AGFG2: variants seen among roughly 807,000 people sequenced by gnomAD.
The protein encoded by AGFG2 is arf-GAP domain and FG repeat-containing protein 2.
In AGFG2, 31 loss-of-function variants were observed where a neutral mutation model predicts 48.0. The observed-to-expected ratio is 0.65, with a 90% CI of 0.49 to 0.87. The LOEUF (loss-of-function observed/expected upper bound fraction) is 0.87, where lower values mean the gene tolerates loss of function less well. Ranked by LOEUF, AGFG2 falls within the 40% of genes least tolerant of loss-of-function variation. The pLI is 0.00. For synonymous variants in AGFG2, 229 were observed against 260.8 expected, an observed-to-expected ratio of 0.88 and a Z score of 1.18; for missense variants, 599 against 632.6, an observed-to-expected ratio of 0.95 and a Z score of 0.57.
At chr7:100,548,725 A>G (rs760027777) in intron 1 of AGFG2, 97 bp from the exon 2 acceptor site, 7 of 859,874 alleles carry the variant, frequency 8.1e-6, no homozygotes, top group Admixed American at 1.9e-5. Flanking sequence ...TTTATATGCT[A>G]TTCTTTCACC....
chr7:100,539,537 G>T lies in AGFG2; in HGVS notation c.191G>T (p.Ser64Ile). ...GVTYVDITVG[S>I]FVCTTCSGLL... ...ACCTACGTGGATATCACCGTGGGCA[G>T]CTTCGTGTGCACCACCTGCTCCGGC... The change falls in exon 1 of 12, where the codon AGC becomes ATC. Residue 64 changes from serine (S) to isoleucine (I), a missense_variant. By Grantham distance (142) the Ser-to-Ile change is moderately radical (BLOSUM62 -2). Coordinates refer to ENST00000300176, the MANE Select transcript of AGFG2 (RefSeq NM_006076.5). The T allele has an allele frequency of 1.6e-6, 2 of 1,271,132 alleles. No homozygotes were observed. The allele number at this position is 1,271,132 out of a possible 1,614,324, so 78.7% of individuals were successfully genotyped here. A position where few individuals can be genotyped will look rare whatever the true frequency, so the allele number is the denominator to read the frequency against.
chr7:100,548,998 G>T, intron 2 of AGFG2, 83 bp downstream of exon 2: 1 of 1,169,740 alleles, frequency 8.5e-7, no homozygotes, highest in Non-Finnish European at 1.3e-6. Context: ...AAACCTTACG[G>T]TTTTATTTTT....
At chr7:100,563,033 C>A in intron 9 of AGFG2, 87 bp downstream of exon 9, 1 of 1,316,260 alleles carries the variant, frequency 7.6e-7, no homozygotes, top group South Asian at 1.3e-5. Context: ...AACCCTTTGT[C>A]TCACGCTGTC....
chr7:100,542,944 AG>A (rs1178959435), intron 1 of AGFG2, among the ~76,000 whole-genome samples: 7 of 152,212 alleles, frequency 4.6e-5, no homozygotes, highest in Admixed American at 2.0e-4. Context: ...CTGACATCCT[AG>A]TGGAAGCCAT....
chr7:100,556,729 C>A, intron 6 of AGFG2: 1 of 973,080 alleles, frequency 1.0e-6, no homozygotes, highest in Non-Finnish European at 1.4e-6. Context: ...ACAGATAAGG[C>A]AGTTAAGCAA....
intron 3 of AGFG2, among the ~76,000 whole-genome samples, chr7:100,551,058 ATATATATATTTCT>A (rs1417598360): frequency 3.9e-5 from 3 of 77,680 alleles, no homozygotes; most frequent in Middle Eastern, 7.8e-3. Flanking sequence ...ATATATATAT[ATATATATATTTCT>A]TTTTTTTTTT....
chr7:100,559,204 G>A (rs1800816832), intron 6 of AGFG2, among the ~76,000 whole-genome samples: 1 of 152,152 alleles, frequency 6.6e-6, no homozygotes, highest in African/African-American at 2.4e-5. Flanking sequence ...CCATTGTTGG[G>A]TGCCTTCATG....
chr7:100,552,194 G>A (rs140714540), intron 3 of AGFG2, among the ~76,000 whole-genome samples: 1 of 152,140 alleles, frequency 6.6e-6, no homozygotes, highest in Admixed American at 6.5e-5. Flanking sequence ...GCAGTCAGCT[G>A]AGATCGTGCC....
chr7:100,565,124 C>A lies in AGFG2; in HGVS notation c.*133C>A. The A allele has an allele frequency of 9.5e-7, 1 of 1,055,504 alleles. No homozygotes were observed. The highest frequency in any genetic ancestry group is 1.3e-5 in the South Asian group (1 of 74,954). 65.4% of individuals were successfully genotyped at this position (1,055,504 alleles called of 1,614,324 possible). A position where few individuals can be genotyped will look rare whatever the true frequency, so the allele number is the denominator to read the frequency against. On this transcript the variant is annotated 3_prime_UTR_variant, in exon 12 of 12. Transcript: ENST00000300176. ...GAGGTGCTAATGCTTTGCTTGGGGC[C>A]TACAGGTGAAAGGTGGCTGCCCTCA... is the stretch of plus-strand genomic sequence containing the variant.
At chr7:100,564,178 G>T in intron 10 of AGFG2, 40 bp from the exon 11 acceptor site, 1 of 1,591,164 alleles carries the variant, frequency 6.3e-7, no homozygotes, top group East Asian at 2.3e-5. Flanking sequence ...CTGCAGGAAG[G>T]CAGGCTGGTG....
chr7:100,563,521 A>G (rs1319940535), intron 9 of AGFG2, among the ~76,000 whole-genome samples: 2 of 152,176 alleles, frequency 1.3e-5, no homozygotes, highest in Non-Finnish European at 2.9e-5. Context: ...TCCCCATTTT[A>G]GAGATGAGAA....
At position 100,567,239 on chromosome 7, in the gene AGFG2, CA is replaced by C. The variant is rs939838156; in HGVS notation, c.*2249del. The C allele has an allele frequency of 7.2e-5, 11 of 152,620 alleles. No individual in the cohort carries two copies. Among genetic ancestry groups the C allele is most frequent in the Non-Finnish European group, 5.9e-5 (4 of 68,078 alleles). The allele number at this position is 152,620 out of a possible 1,614,324, so 9.5% of individuals were successfully genotyped here. A position where few individuals can be genotyped will look rare whatever the true frequency, so the allele number is the denominator to read the frequency against. On this transcript the variant is annotated 3_prime_UTR_variant, in exon 12 of 12. Transcript: ENST00000300176. ...TCTCCTTGGCCGGGGACAGCTCCAG[CA>C]GCTCAGGCTCCAGCCCTCCAGTGAG...
Position 100,565,259 on chromosome 7 carries a change from G to C in AGFG2, c.*268G>C, listed in dbSNP as rs963256947. 7.3e-6 allele frequency: 4 copies of C among 550,988 alleles called. No individual in the cohort carries two copies. The African/African-American group carries it at 7.6e-5, about 10-fold the overall frequency. 34.1% of individuals were successfully genotyped at this position (550,988 alleles called of 1,614,324 possible). ...GGAGGAGTGATGGTTGAGGGGGAGG[G>C]ATTTTTTTCAAATGATCAGTCCCCT... is the stretch of plus-strand genomic sequence containing the variant. On this transcript the variant is annotated 3_prime_UTR_variant, in exon 12 of 12. Coordinates refer to ENST00000300176, the MANE Select transcript of AGFG2 (RefSeq NM_006076.5).
At position 100,565,313 on chromosome 7, in the gene AGFG2, C is replaced by A. The variant is rs116419335; in HGVS notation, c.*322C>A. On this transcript the variant is annotated 3_prime_UTR_variant, in exon 12 of 12. Transcript: ENST00000300176. ...GAACAGCTCTTCCCTGGGCCTAGCT[C>A]GCCAGCGCTGTGCTCCTCATGGACG... The A allele has an allele frequency of 1.4e-4, 59 of 408,966 alleles. No homozygotes were observed. Among genetic ancestry groups the A allele is most frequent in the African/African-American group, 1.1e-3 (52 of 49,290 alleles). The allele number at this position is 408,966 out of a possible 1,614,324, so 25.3% of individuals were successfully genotyped here.
Position 100,539,292 on chromosome 7 carries a change from A to G in AGFG2, c.-55A>G. The G allele has an allele frequency of 7.9e-7, 1 of 1,264,826 alleles. No individual in the cohort carries two copies. The allele number at this position is 1,264,826 out of a possible 1,614,324, so 78.4% of individuals were successfully genotyped here. On this transcript the variant is annotated 5_prime_UTR_variant, in exon 1 of 12. Transcript: ENST00000300176. ...TGCGGAGGCGGCTGAGGAGGCGGGAAGGCGGCAGTGGTTGAAGGGGTGATT... is the reference window on the plus strand; with the variant it reads ...TGCGGAGGCGGCTGAGGAGGCGGGAGGGCGGCAGTGGTTGAAGGGGTGATT...
At chr7:100,559,750 C>T (rs182346715) in intron 6 of AGFG2, among the ~76,000 whole-genome samples, 31 of 149,520 alleles carry the variant, frequency 2.1e-4, no homozygotes, top group African/African-American at 7.4e-4. Flanking sequence ...CCCTGAAGGT[C>T]GAGGCTGCAG....
At position 100,555,879 on chromosome 7, in the gene AGFG2, G is replaced by A. The variant is rs944696325; in HGVS notation, c.877+144G>A. 2.5e-6 allele frequency: 3 copies of A among 1,192,654 alleles called. No individual in the cohort carries two copies. In the South Asian group the frequency reaches 4.9e-5, roughly 19 times the overall value. The allele number at this position is 1,192,654 out of a possible 1,614,324, so 73.9% of individuals were successfully genotyped here. On this transcript the variant is annotated intron_variant, in intron 6 of 11. Coordinates refer to ENST00000300176, the MANE Select transcript of AGFG2 (RefSeq NM_006076.5). ...GAGAAGCAGCTCCAGGAGAGGATGA[G>A]CGTGTCTGACACATTCTTGTCAGGG...
At chr7:100,539,892 A>C (rs1247276947) in intron 1 of AGFG2, among the ~76,000 whole-genome samples, 3 of 152,044 alleles carry the variant, frequency 2.0e-5, no homozygotes, top group Non-Finnish European at 4.4e-5. Flanking sequence ...GGAGGATGGA[A>C]GGGAACTCGG....
intron 2 of AGFG2, among the ~76,000 whole-genome samples, chr7:100,549,694 T>G (rs945825315): frequency 2.6e-5 from 4 of 151,974 alleles, no homozygotes; most frequent in Non-Finnish European, 5.9e-5. Context: ...TTTATTTATT[T>G]ATTTATTTAT....
Sources: allele counts gnomAD v4.1 joint callset (sites outside exome capture counted in the v4.1 genomes callset), GRCh38; gene constraint gnomAD v4.1.1; transcripts MANE v1.5; gene names NCBI Gene and HGNC (gene_info 2026-07-23, HGNC 2026-07-21).